The following CUL3 variants were observed in gnomAD, a reference collection of about 807,000 sequenced individuals.
CUL3 encodes cullin 3.
In CUL3, 19 loss-of-function variants were observed where a neutral mutation model predicts 89.1. The observed-to-expected ratio is 0.21, with a 90% CI of 0.15 to 0.31. The LOEUF (loss-of-function observed/expected upper bound fraction) is 0.31. Among genes scored for constraint, CUL3 ranks in the 10% least tolerant of loss-of-function variants. The probability of loss-of-function intolerance (pLI) is 1.00; values close to 1 mark genes in which losing one functional copy is unlikely to be tolerated. For synonymous variants in CUL3, 351 were observed against 308.4 expected (o/e 1.14, Z -1.45); for missense variants, 469 against 942.3 (o/e 0.50, Z 6.58).
intron 1 of CUL3, among the ~76,000 whole-genome samples, chr2:224,581,324 A>G (rs1334769726): frequency 6.6e-6 from 1 of 150,668 alleles, no homozygotes; most frequent in Non-Finnish European, 1.5e-5. Flanking sequence ...CGAACCCAGG[A>G]GGCGGAGGTT....
chr2:224,479,170 G>A (rs1691437248), intron 14 of CUL3: 1 of 152,224 alleles, frequency 6.6e-6, no homozygotes, highest in African/African-American at 2.4e-5. Flanking sequence ...CCGTAAAATT[G>A]CAAAGCAGCA....
chr2:224,478,679 A>T lies in CUL3; in HGVS notation c.2030-334T>A, dbSNP rs1048356059. The stretch of plus-strand genomic sequence containing the variant: ...AATTTTCATTGCTTATGACTATCAG[A>T]GGTCAATTGATTATTTTATTACCAT... On this transcript the variant is annotated intron_variant, in intron 14 of 15. Transcript: ENST00000264414. 3 of 199,010 alleles carry T rather than the reference A, an allele frequency of 1.5e-5. No homozygotes were observed. In the South Asian group the frequency reaches 3.1e-4, roughly 20 times the overall value. The allele number at this position is 199,010 out of a possible 1,614,324, so 12.3% of individuals were successfully genotyped here. A position where few individuals can be genotyped will look rare whatever the true frequency, so the allele number is the denominator to read the frequency against.
chr2:224,480,194 T>C (rs544492959), intron 14 of CUL3: 1 of 152,470 alleles, frequency 6.6e-6, no homozygotes, highest in South Asian at 2.0e-4. Context: ...AAAGGCTGTG[T>C]TATTTTAGTA....
intron 3 of CUL3, among the ~76,000 whole-genome samples, chr2:224,532,690 T>G (rs1224631551): frequency 6.6e-6 from 1 of 152,128 alleles, no homozygotes; most frequent in East Asian, 1.9e-4. Context: ...TGGGAGACAG[T>G]GCAGGGGTTC....
rs1477814995 is a variant in CUL3, at chr2:224,584,873, G to A, written c.66+71C>T. ...GCCTGCGGCCTGTTGGGGGACTTCA[G>A]CCCGGGCCTCGCGTGCGGCTCTCGG... On this transcript the variant is annotated intron_variant, in intron 1 of 15. Coordinates refer to ENST00000264414, the MANE Select transcript of CUL3 (RefSeq NM_003590.5). 6.4e-6 allele frequency: 8 copies of A among 1,248,476 alleles called. No homozygotes were observed. In the East Asian group the frequency reaches 1.9e-4, roughly 29 times the overall value. The allele number at this position is 1,248,476 out of a possible 1,614,324, so 77.3% of individuals were successfully genotyped here. A position where few individuals can be genotyped will look rare whatever the true frequency, so the allele number is the denominator to read the frequency against.
chr2:224,557,347 A>C (rs780146272), intron 2 of CUL3, among the ~76,000 whole-genome samples: 4 of 144,532 alleles, frequency 2.8e-5, no homozygotes, highest in Non-Finnish European at 4.7e-5. Flanking sequence ...AAATGGGCTG[A>C]TTAAATCATT....
rs969609758 is a variant in CUL3 at position 224,549,086 on chromosome 2, G to A, written c.264+8573C>T. On this transcript the variant is annotated intron_variant, in intron 2 of 15. Transcript: ENST00000264414. The stretch of plus-strand genomic sequence containing the variant: ...TCCCAACACTTTGGGAGGCCAAGGC[G>A]GGTGGATCATTGATGCTACTAGGAG... Among the ~76,000 whole-genome samples, 8 of 152,236 alleles carry A rather than the reference G, an allele frequency of 5.3e-5. No individual in the cohort carries two copies. In the East Asian group the frequency reaches 7.7e-4, roughly 15 times the overall value.
At chr2:224,527,798 A>G (rs1693533259) in intron 3 of CUL3, among the ~76,000 whole-genome samples, 1 of 152,136 alleles carries the variant, frequency 6.6e-6, no homozygotes, top group Non-Finnish European at 1.5e-5. Flanking sequence ...CATGGACCAT[A>G]TGAGATTCAC....
chr2:224,533,678 C>T (rs560478591), intron 3 of CUL3, among the ~76,000 whole-genome samples: 3 of 152,308 alleles, frequency 2.0e-5, no homozygotes, highest in Non-Finnish European at 2.9e-5. Flanking sequence ...AACAAGCTAA[C>T]TTATTTCAAA....
chr2:224,526,544 C>T (rs978722104), intron 3 of CUL3, among the ~76,000 whole-genome samples: 2 of 141,812 alleles, frequency 1.4e-5, no homozygotes, highest in African/African-American at 5.5e-5. Flanking sequence ...TGAGATTGCA[C>T]CACTGCACTC....
intron 3 of CUL3, among the ~76,000 whole-genome samples, chr2:224,535,059 A>G: frequency 6.9e-6 from 1 of 144,812 alleles, no homozygotes; most frequent in African/African-American, 2.5e-5. Flanking sequence ...TAAATAAATA[A>G]AGATTTTTAT....
intron 2 of CUL3, among the ~76,000 whole-genome samples, chr2:224,539,891 A>C (rs759504008): frequency 2.9e-4 from 44 of 152,180 alleles, no homozygotes; most frequent in Non-Finnish European, 5.6e-4. Context: ...TCATTCCAAA[A>C]GTGAGCCCTC....
At chr2:224,548,380 T>C (rs1431265129) in intron 2 of CUL3, among the ~76,000 whole-genome samples, 2 of 152,360 alleles carry the variant, frequency 1.3e-5, no homozygotes, top group Admixed American at 1.3e-4. Context: ...CGGAGTAAGA[T>C]ATTATTTGAA....
intron 2 of CUL3, among the ~76,000 whole-genome samples, chr2:224,549,890 A>G (rs1462579973): frequency 1.3e-5 from 2 of 152,146 alleles, no homozygotes; most frequent in Non-Finnish European, 2.9e-5. Flanking sequence ...ACACACACAC[A>G]CGCAAAATGG....
chr2:224,570,137 G>A (rs1402345057), intron 1 of CUL3, among the ~76,000 whole-genome samples: 2 of 151,840 alleles, frequency 1.3e-5, no homozygotes, highest in Non-Finnish European at 2.9e-5. Context: ...ACAATGTATA[G>A]ATAATATTAA....
rs760705728 is a variant in CUL3 at position 224,503,049 on chromosome 2, C to T, written c.1401G>A (p.Thr467=). 174 of 1,613,204 alleles carry T rather than the reference C, an allele frequency of 1.1e-4. No homozygotes were observed. The highest frequency in any genetic ancestry group is 1.3e-4 in the Non-Finnish European group (159 of 1,179,410). The change falls in exon 10 of 16, where the codon ACG becomes ACA. Residue 467 remains threonine, a synonymous_variant. Transcript: ENST00000264414. Reference sequence around the variant, plus strand: ...CCCTAAACATTCCTTCCAGTTTTGACGTGAACTGACATCCACATTCAGTCT... The same window carrying T: ...CCCTAAACATTCCTTCCAGTTTTGATGTGAACTGACATCCACATTCAGTCT... ...KLKTECGCQF[T]SKLEGMFRDM...
At chr2:224,544,314 C>A (rs1574677944) in intron 2 of CUL3, among the ~76,000 whole-genome samples, 1 of 152,324 alleles carries the variant, frequency 6.6e-6, no homozygotes, top group East Asian at 1.9e-4. Context: ...TGCCTGCTAT[C>A]TTTCTGGCTC....
chr2:224,532,791 T>C (rs202019014), intron 3 of CUL3, among the ~76,000 whole-genome samples: 3 of 151,972 alleles, frequency 2.0e-5, no homozygotes, highest in South Asian at 2.1e-4. Context: ...ATATGAAAGG[T>C]AGAACCCTAA....
In CUL3 at chr2:224,514,659, A is replaced by T. The variant is rs2106223458; in HGVS notation, c.492T>A (p.Thr164=). 1 of 1,613,762 alleles carries T rather than the reference A, an allele frequency of 6.2e-7. No individual in the cohort carries two copies. The highest frequency in any genetic ancestry group is 8.5e-7 in the Non-Finnish European group (1 of 1,179,774). The part of the protein sequence containing the change: ...YGCIRDHLRQ[T]LLDMIARERK... ...GCTCTCTTGCAATCATATCCAATAG[A>T]GTTTGCCGTAGATGATCCCTAATAC... The change falls in exon 4 of 16, where the codon ACT becomes ACA. Residue 164 remains threonine, a synonymous_variant. Coordinates refer to ENST00000264414, the MANE Select transcript of CUL3 (RefSeq NM_003590.5).
Sources: allele counts gnomAD v4.1 joint callset (sites outside exome capture counted in the v4.1 genomes callset), GRCh38; gene constraint gnomAD v4.1.1; transcripts MANE v1.5; gene names NCBI Gene and HGNC (gene_info 2026-07-23, HGNC 2026-07-21).